The following AKT1 variants were observed in gnomAD, a reference collection of about 807,000 sequenced individuals.
AKT1 encodes AKT serine/threonine kinase 1.
AKT1 carries 21 observed loss-of-function variants against 63.1 expected under a neutral mutation model. That is an observed-to-expected ratio of 0.33 (90% CI 0.24 to 0.48). The LOEUF (loss-of-function observed/expected upper bound fraction) is 0.48. Among genes scored for constraint, AKT1 ranks in the 20% least tolerant of loss-of-function variants. AKT1 has a pLI of 0.99. For missense variants in AKT1, 382 were observed against 666.0 expected, an observed-to-expected ratio of 0.57 and a Z score of 4.69; for synonymous variants, 257 against 253.1, an observed-to-expected ratio of 1.02 and a Z score of -0.15.
At chr14:104,770,461 C>T in intron 14 of AKT1, 41 bp from the exon 15 acceptor site, 1 of 1,520,986 alleles carries the variant, frequency 6.6e-7, no homozygotes, top group South Asian at 1.2e-5. Flanking sequence ...CCCCACCTCC[C>T]TGCCACCTCC....
intron 4 of AKT1, chr14:104,777,026 A>G (rs1595247831): frequency 2.2e-6 from 1 of 455,188 alleles, no homozygotes; most frequent in East Asian, 4.0e-5. Flanking sequence ...TCAAACCCCC[A>G]CCATCGTCCA....
rs904820537 is a variant in AKT1, at chr14:104,769,936, C to T, written c.*405G>A. 2.4e-6 allele frequency: 1 copy of T among 412,352 alleles called. No individual in the cohort carries two copies. Among genetic ancestry groups the T allele is most frequent in the African/African-American group, 2.0e-5 (1 of 49,230 alleles). The allele number at this position is 412,352 out of a possible 1,614,324, so 25.5% of individuals were successfully genotyped here. On this transcript the variant is annotated 3_prime_UTR_variant, in exon 15 of 15. Coordinates refer to ENST00000649815, the MANE Select transcript of AKT1 (RefSeq NM_001382430.1). ...CAGGTTGAACTGAGGCCCAGGGCCCCAGAGAGATGACAGATAGCTGGTGAC... is the reference window on the plus strand; with the variant it reads ...CAGGTTGAACTGAGGCCCAGGGCCCTAGAGAGATGACAGATAGCTGGTGAC...
chr14:104,780,247 A>T (rs1386932187), intron 3 of AKT1, 31 bp from the exon 4 acceptor site: 1 of 1,610,288 alleles, frequency 6.2e-7, no homozygotes. Flanking sequence ...AGAGCCACGC[A>T]CACTCTACCC....
At chr14:104,784,641 G>T (rs1168178613) in intron 3 of AKT1, among the ~76,000 whole-genome samples, 1 of 152,160 alleles carries the variant, frequency 6.6e-6, no homozygotes. Context: ...AGCTGCTCCT[G>T]CCTGGCCTCC....
intron 3 of AKT1, among the ~76,000 whole-genome samples, chr14:104,781,992 G>A (rs748435596): frequency 3.0e-4 from 45 of 152,284 alleles, no homozygotes; most frequent in African/African-American, 7.7e-4. Flanking sequence ...CTTGGGTGCC[G>A]GCTCCTGTCC....
intron 2 of AKT1, 112 bp downstream of exon 2, chr14:104,793,015 C>T (rs1164055791): frequency 1.3e-5 from 5 of 389,430 alleles, no homozygotes; most frequent in East Asian, 4.4e-5. Flanking sequence ...CACCACCACC[C>T]GCAACAGCCA....
At chr14:104,783,983 C>T (rs958819805) in intron 3 of AKT1, among the ~76,000 whole-genome samples, 1 of 152,212 alleles carries the variant, frequency 6.6e-6, no homozygotes, top group African/African-American at 2.4e-5. Context: ...GAGGACGGCA[C>T]TGGGGACTGG....
intron 3 of AKT1, among the ~76,000 whole-genome samples, chr14:104,791,436 G>T (rs377431194): frequency 4.6e-5 from 7 of 152,234 alleles, no homozygotes; most frequent in African/African-American, 1.4e-4. Context: ...GACCACAGGC[G>T]TCTGCAGCCT....
intron 3 of AKT1, among the ~76,000 whole-genome samples, chr14:104,788,043 C>T (rs1486955957): frequency 1.3e-5 from 2 of 152,206 alleles, no homozygotes; most frequent in Admixed American, 1.3e-4. Flanking sequence ...GGGACCCCCA[C>T]TCTCTGCCCA....
intron 3 of AKT1, among the ~76,000 whole-genome samples, chr14:104,787,309 G>A (rs1368689255): frequency 6.6e-6 from 1 of 152,162 alleles, no homozygotes; most frequent in Non-Finnish European, 1.5e-5. Context: ...TGGAGCCCCA[G>A]GGCCCTCTGC....
rs74521422 is a variant in AKT1 at position 104,789,917 on chromosome 14, C to T, written c.46+2681G>A. 3.5e-3 allele frequency among the ~76,000 whole-genome samples: 539 copies of T among 152,360 alleles called. 7 individuals are homozygous for T. Among genetic ancestry groups the T allele is most frequent in the South Asian group, 0.033 (157 of 4,830 alleles). On this transcript the variant is annotated intron_variant, in intron 3 of 14. Transcript: ENST00000649815. ...ACTCCTGTGTCCCCATGCCCGGTCC[C>T]TTCTGTCCCTGAAGCTCCTCTGACT...
At chr14:104,777,048 C>T (rs1892757816) in intron 4 of AKT1, 2 of 411,052 alleles carry the variant, frequency 4.9e-6, no homozygotes, top group Admixed American at 8.3e-5. Context: ...TCCTACAGTC[C>T]TTCCTTCAGT....
At chr14:104,775,284 G>A (rs1323247277) in intron 6 of AKT1, 77 bp from the exon 7 acceptor site, 3 of 1,596,730 alleles carry the variant, frequency 1.9e-6, no homozygotes, top group Non-Finnish European at 2.6e-6. Context: ...GGTGGCATGA[G>A]GGGCCCCAGA....
intron 8 of AKT1, 164 bp from the exon 9 acceptor site, chr14:104,774,144 G>A (rs886678023): frequency 4.2e-5 from 27 of 640,496 alleles, no homozygotes; most frequent in East Asian, 1.4e-4. Flanking sequence ...CACACCGCCC[G>A]ATACCACACT....
intron 4 of AKT1, 93 bp from the exon 5 acceptor site, chr14:104,776,863 C>CA: frequency 9.8e-7 from 1 of 1,017,164 alleles, no homozygotes; most frequent in South Asian, 1.5e-5. Flanking sequence ...GCTCCCCTTG[C>CA]ATACCACCCA....
At position 104,772,907 on chromosome 14, in the gene AKT1, T is replaced by C; in HGVS notation, c.1143A>G (p.Ser381=). The C allele has an allele frequency of 1.2e-6, 2 of 1,612,860 alleles. No homozygotes were observed. The highest frequency in any genetic ancestry group is 1.1e-5 in the South Asian group (1 of 91,046). Residue 381 remains serine (S), a synonymous_variant, in exon 12 of 15, where the codon TCA becomes TCG. Coordinates refer to ENST00000649815, the MANE Select transcript of AKT1 (RefSeq NM_001382430.1). ...GCTTGGGGTCCTTCTTGAGCAGCCCTGAAAGCAAGGACTTGGCCTCGGGAC... is the reference window on the plus strand; with the variant it reads ...GCTTGGGGTCCTTCTTGAGCAGCCCCGAAAGCAAGGACTTGGCCTCGGGAC... ...TLGPEAKSLL[S]GLLKKDPKQR...
Position 104,780,018 on chromosome 14 carries a change from G to A in AKT1, c.175+70C>T, listed in dbSNP as rs558548471. 869 of 1,577,524 alleles carry A rather than the reference G, an allele frequency of 5.5e-4. 1 individual carries two copies. Among genetic ancestry groups the A allele is most frequent in the Admixed American group, 1.1e-3 (61 of 56,958 alleles). ...GGCTCCAGGGGACCCCCATCGTGGG[G>A]CCTGGTGGGCAAAGAGGGCTCCAGC... On this transcript the variant is annotated intron_variant, in intron 4 of 14. Transcript: ENST00000649815.
At position 104,773,044 on chromosome 14, in the gene AKT1, C is replaced by G. The variant is rs2140902330; in HGVS notation, c.1006G>C (p.Gly336Arg). The G allele has an allele frequency of 6.2e-7, 1 of 1,614,152 alleles. No homozygotes were observed. The highest frequency in any genetic ancestry group is 1.1e-5 in the South Asian group (1 of 91,088). Reference sequence around the variant, plus strand: ...CACATCATCTCGTACATGACCACGCCCAGCCCCCACCAGTCCACTGCACGG... The same window carrying G: ...CACATCATCTCGTACATGACCACGCGCAGCCCCCACCAGTCCACTGCACGG... ...YGRAVDWWGL[G>R]VVMYEMMCGR... Residue 336 changes from glycine (G) to arginine (R), a missense_variant, in exon 12 of 15, where the codon GGC (glycine) becomes CGC (arginine). By Grantham distance (125) the Gly-to-Arg change is moderately radical. This residue lies in a region of AKT1 where 66 missense variants were observed against 179.1 expected (regional missense o/e 0.37). Coordinates refer to ENST00000649815, the MANE Select transcript of AKT1 (RefSeq NM_001382430.1).
chr14:104,772,227 C>T (rs1259051211), intron 13 of AKT1, 138 bp downstream of exon 13: 1 of 952,004 alleles, frequency 1.1e-6, no homozygotes, highest in African/African-American at 1.6e-5. Context: ...CAGCAAGGCC[C>T]TCCTTGTACC....
Sources: allele counts gnomAD v4.1 joint callset (sites outside exome capture counted in the v4.1 genomes callset), GRCh38; gene constraint gnomAD v4.1.1; regional missense constraint gnomAD v4.1.1; transcripts MANE v1.5; gene names NCBI Gene and HGNC (gene_info 2026-07-23, HGNC 2026-07-21).